Variants in TTK observed in about 807,000 individuals in gnomAD.
TTK encodes TTK protein kinase, also known as dual specificity protein kinase TTK.
A neutral mutation model predicts 117.3 loss-of-function variants in TTK; 59 were observed. The ratio of observed to expected loss-of-function variants is 0.50; its 90% CI spans 0.41 to 0.62. The LOEUF is 0.62. TTK is among the 20% of genes least tolerant of loss of function. TTK has a pLI of 0.00. For synonymous variants in TTK, 302 were observed against 325.0 expected (o/e 0.93, Z 0.76); for missense variants, 921 against 989.4 (o/e 0.93, Z 0.93).
chr6:80,011,015 C>A, intron 5 of TTK, 58 bp downstream of exon 5: 2 of 1,495,936 alleles, frequency 1.3e-6, no homozygotes, highest in South Asian at 1.4e-5. Flanking sequence ...AATAAAGATT[C>A]GGGATAATAA....
rs2127683157 is a variant in TTK at position 80,036,580 on chromosome 6, GTGT to G, written c.2035_2037del (p.Val679del). 6.2e-7 allele frequency: 1 copy of G among 1,609,726 alleles called. No homozygotes were observed. The highest frequency in any genetic ancestry group is 8.5e-7 in the Non-Finnish European group (1 of 1,178,128). ...AACCAAATGCAACCAGATACAACAA[GTGT>G]TGTTAAAGATTCTCAGGTAAGACTT... On this transcript the variant is annotated inframe_deletion, in exon 17 of 22. Transcript: ENST00000369798.
chr6:80,031,767 G>T (rs969495710), intron 14 of TTK, among the ~76,000 whole-genome samples: 1 of 151,966 alleles, frequency 6.6e-6, no homozygotes, highest in Non-Finnish European at 1.5e-5. Context: ...CCAGTCTTCT[G>T]CCTTTCCTTT....
In TTK at chr6:80,040,708, G is replaced by A. The variant is rs2127685450; in HGVS notation, c.2490+5G>A. On this transcript the variant is annotated splice_donor_5th_base_variant and intron_variant, in intron 21 of 21. Coordinates refer to ENST00000369798, the MANE Select transcript of TTK (RefSeq NM_003318.5). ...TCCATTTTGAAAGCTGCTAAAGTAA[G>A]TATGTCTATTCTTTACATTAATTTT... is the stretch of plus-strand genomic sequence containing the variant. 3 of 1,610,054 alleles carry A rather than the reference G, an allele frequency of 1.9e-6. No homozygotes were observed. The highest frequency in any genetic ancestry group is 2.5e-6 in the Non-Finnish European group (3 of 1,177,574).
At chr6:80,035,614 C>G (rs548103649) in intron 16 of TTK, among the ~76,000 whole-genome samples, 197 bp downstream of exon 16, 1 of 152,226 alleles carries the variant, frequency 6.6e-6, no homozygotes, top group African/African-American at 2.4e-5. Flanking sequence ...TATAGGACAT[C>G]AACTCAAGTT....
intron 17 of TTK, 38 bp downstream of exon 17, chr6:80,036,637 A>G (rs761322139): frequency 2.6e-6 from 4 of 1,555,268 alleles, no homozygotes; most frequent in East Asian, 4.6e-5. Flanking sequence ...GTAGAGTTCA[A>G]TTCTTTTTTT....
intron 10 of TTK, among the ~76,000 whole-genome samples, chr6:80,019,681 G>A (rs572935938): frequency 3.2e-4 from 48 of 152,206 alleles, no homozygotes; most frequent in African/African-American, 9.6e-4. Flanking sequence ...ATATTTTGCC[G>A]ATAACTCAGA....
intron 11 of TTK, among the ~76,000 whole-genome samples, chr6:80,025,207 A>T (rs1297366749): frequency 6.6e-6 from 1 of 152,150 alleles, no homozygotes; most frequent in African/African-American, 2.4e-5. Context: ...TTGTTCATTA[A>T]TCTTATTACA....
At position 80,007,955 on chromosome 6, in the gene TTK, G is replaced by A. The variant is rs1229650680; in HGVS notation, c.286G>A (p.Glu96Lys). The A allele has an allele frequency of 6.2e-7, 1 of 1,613,564 alleles. No homozygotes were observed. The highest frequency in any genetic ancestry group is 8.5e-7 in the Non-Finnish European group (1 of 1,179,710). Residue 96 changes from glutamate to lysine, a missense_variant, in exon 3 of 22, where the codon GAA becomes AAA. Physicochemically the swap from Glu to Lys is moderately conservative, Grantham distance 56. Transcript: ENST00000369798. Reference protein sequence around the residue: ...KLIGRYSQAIEALPPDKYGQN... With the variant: ...KLIGRYSQAIKALPPDKYGQN... ...GATTGGTCGTTACAGTCAAGCAATTGAAGCGCTTCCCCCAGATAAATATGG... is the reference window on the plus strand; with the variant it reads ...GATTGGTCGTTACAGTCAAGCAATTAAAGCGCTTCCCCCAGATAAATATGG...
At position 80,038,006 on chromosome 6, in the gene TTK, G is replaced by A; in HGVS notation, c.2089G>A (p.Asp697Asn). The A allele has an allele frequency of 6.2e-7, 1 of 1,610,612 alleles. No homozygotes were observed. Among genetic ancestry groups the A allele is most frequent in the Non-Finnish European group, 8.5e-7 (1 of 1,178,072 alleles). ...VNYMPPEAIK[D>N]MSSSRENGKS... ...TTATATGCCACCAGAAGCAATCAAA[G>A]ATATGTCTTCCTCCAGAGAGAATGG... is the stretch of plus-strand genomic sequence containing the variant. The change falls in exon 18 of 22, where the codon GAT becomes AAT. Residue 697 changes from aspartate (D) to asparagine (N), a missense_variant. Physicochemically the swap from Asp to Asn is conservative, Grantham distance 23. Coordinates refer to ENST00000369798, the MANE Select transcript of TTK (RefSeq NM_003318.5).
At chr6:80,023,323 A>G (rs1269769702) in intron 11 of TTK, among the ~76,000 whole-genome samples, 2 of 152,198 alleles carry the variant, frequency 1.3e-5, no homozygotes, top group Non-Finnish European at 1.5e-5. Context: ...GCTGGGCACG[A>G]TGGCTCACGC....
intron 18 of TTK, among the ~76,000 whole-genome samples, chr6:80,038,557 T>G (rs749731789): frequency 6.6e-6 from 1 of 152,146 alleles, no homozygotes; most frequent in Non-Finnish European, 1.5e-5. Flanking sequence ...CTATAGACAG[T>G]GCCTATTGTA....
At chr6:80,027,533 C>A (rs1767637380) in intron 12 of TTK, among the ~76,000 whole-genome samples, 1 of 152,040 alleles carries the variant, frequency 6.6e-6, no homozygotes, top group Admixed American at 6.5e-5. Context: ...TCTAGCAAGC[C>A]ATTATAGAAC....
chr6:80,039,335 A>G (rs938247585), intron 18 of TTK, among the ~76,000 whole-genome samples: 13 of 151,824 alleles, frequency 8.6e-5, no homozygotes, highest in Non-Finnish European at 1.8e-4. Flanking sequence ...TTGAAACTGT[A>G]TACATACTTT....
At chr6:80,009,803 A>G (rs1006094456) in intron 4 of TTK, among the ~76,000 whole-genome samples, 1 of 152,144 alleles carries the variant, frequency 6.6e-6, no homozygotes, top group South Asian at 2.1e-4. Flanking sequence ...CTGAAGTCCT[A>G]TGCAGAGTCT....
Position 80,014,728 on chromosome 6 carries a change from A to G in TTK, c.1108+142A>G, listed in dbSNP as rs1767259484. The stretch of plus-strand genomic sequence containing the variant: ...ATCTTGAATTTCCGTTCAGTTATAT[A>G]GGGTATATGAAAAGTACTGAATCCG... On this transcript the variant is annotated intron_variant, in intron 10 of 21. Coordinates refer to ENST00000369798, the MANE Select transcript of TTK (RefSeq NM_003318.5). 6 of 829,124 alleles carry G rather than the reference A, an allele frequency of 7.2e-6. No individual in the cohort carries two copies. The South Asian group carries it at 1.5e-4, about 21-fold the overall frequency. 51.4% of individuals were successfully genotyped at this position (829,124 alleles called of 1,614,324 possible).
chr6:80,027,996 A>C lies in TTK; in HGVS notation c.1506A>C (p.Pro502=). The C allele has an allele frequency of 6.2e-7, 1 of 1,601,646 alleles. No homozygotes were observed. Among genetic ancestry groups the C allele is most frequent in the Non-Finnish European group, 8.5e-7 (1 of 1,173,630 alleles). ...AACAGCATCAAATACTTGCCACTCC[A>C]CTTCAAAATTTACAGGTTCGATAAG... ...QQQQHQILAT[P]LQNLQVLASS... Residue 502 remains proline (P), a synonymous_variant, in exon 13 of 22, where the codon CCA becomes CCC. Coordinates refer to ENST00000369798, the MANE Select transcript of TTK (RefSeq NM_003318.5).
intron 8 of TTK, among the ~76,000 whole-genome samples, chr6:80,012,860 CAG>C (rs1767197748): frequency 6.6e-6 from 1 of 151,986 alleles, no homozygotes; most frequent in South Asian, 2.1e-4. Flanking sequence ...AAAACAAAAA[CAG>C]AAAAACTGCA....
intron 13 of TTK, 39 bp from the exon 14 acceptor site, chr6:80,031,427 TA>T: frequency 8.1e-7 from 1 of 1,238,138 alleles, no homozygotes; most frequent in Non-Finnish European, 1.1e-6. Context: ...GTTTCTTAGG[TA>T]TATTGATTAA....
At position 80,031,536 on chromosome 6, in the gene TTK, A is replaced by G. The variant is rs1767759870; in HGVS notation, c.1591A>G (p.Ile531Val). The change falls in exon 14 of 22, where the codon ATA becomes GTA. Residue 531 changes from isoleucine (I) to valine (V), a missense_variant. Physicochemically the swap from Ile to Val is conservative, Grantham distance 29. Coordinates refer to ENST00000369798, the MANE Select transcript of TTK (RefSeq NM_003318.5). Reference sequence around the variant, plus strand: ...AAGAATTTATTCCATATTAAAGCAGATAGGAAGTGGAGGTTCAAGCAAGGT... The same window carrying G: ...AAGAATTTATTCCATATTAAAGCAGGTAGGAAGTGGAGGTTCAAGCAAGGT... ...KGRIYSILKQ[I>V]GSGGSSKVFQ... The G allele has an allele frequency of 4.6e-6, 7 of 1,533,736 alleles. No individual in the cohort carries two copies. In the East Asian group the frequency reaches 1.5e-4, roughly 33 times the overall value.
Sources: gnomAD v4.1 joint callset for allele counts (sites outside exome capture counted in the v4.1 genomes callset) on GRCh38, gnomAD v4.1.1 for gene constraint, MANE v1.5 for transcripts, NCBI Gene and HGNC (gene_info 2026-07-23, HGNC 2026-07-21) for gene names.